PGGT1B: variants seen among roughly 807,000 people sequenced by gnomAD.
PGGT1B encodes the protein geranylgeranyl transferase type-1 subunit beta.
In PGGT1B, 30 loss-of-function variants were observed where a neutral mutation model predicts 46.1. The observed-to-expected ratio is 0.65, with a 90% CI of 0.49 to 0.88. The LOEUF (loss-of-function observed/expected upper bound fraction) is 0.88, where lower values mean the gene tolerates loss of function less well. PGGT1B is among the 40% of genes least tolerant of loss of function. The probability of loss-of-function intolerance (pLI) is 0.00; values close to 1 mark genes in which losing one functional copy is unlikely to be tolerated. For synonymous variants in PGGT1B, 170 were observed against 160.0 expected, an observed-to-expected ratio of 1.06 and a Z score of -0.47; for missense variants, 376 against 455.9, an observed-to-expected ratio of 0.82 and a Z score of 1.60.
intron 2 of PGGT1B, among the ~76,000 whole-genome samples, chr5:115,247,251 A>C (rs1350127421): frequency 2.0e-5 from 3 of 152,190 alleles, no homozygotes; most frequent in Non-Finnish European, 4.4e-5. Flanking sequence ...TGAGAGTTTA[A>C]AGAGGTTTAT....
At chr5:115,246,042 T>C (rs971267492) in intron 2 of PGGT1B, among the ~76,000 whole-genome samples, 16 of 152,092 alleles carry the variant, frequency 1.1e-4, no homozygotes, top group Non-Finnish European at 2.4e-4. Context: ...GGAGGTAACA[T>C]TTTCACCACT....
intron 2 of PGGT1B, among the ~76,000 whole-genome samples, chr5:115,243,354 C>T (rs752632872): frequency 7.2e-5 from 11 of 152,110 alleles, no homozygotes; most frequent in South Asian, 2.1e-4. Flanking sequence ...CTGAAAGAAA[C>T]GCTATATTCC....
chr5:115,258,272 T>C lies in PGGT1B; in HGVS notation c.140+4440A>G, dbSNP rs559997432. Among the ~76,000 whole-genome samples the C allele has an allele frequency of 1.4e-4, 22 of 152,294 alleles. No homozygotes were observed. The South Asian group carries it at 4.1e-3, about 29-fold the overall frequency. On this transcript the variant is annotated intron_variant, in intron 1 of 8. Coordinates refer to ENST00000419445, the MANE Select transcript of PGGT1B (RefSeq NM_005023.4). ...TTTATTATCCAGACCAGATAGCAGT[T>C]CCAATTCAAGAATCCTGGGACTCCT...
intron 6 of PGGT1B, among the ~76,000 whole-genome samples, chr5:115,222,320 T>G (rs1756613492): frequency 6.6e-6 from 1 of 152,198 alleles, no homozygotes; most frequent in South Asian, 2.1e-4. Context: ...GCTAACTCCC[T>G]GCCCAGGACC....
chr5:115,262,344 G>GATGC (rs1401564997), intron 1 of PGGT1B, among the ~76,000 whole-genome samples: 2 of 152,210 alleles, frequency 1.3e-5, no homozygotes, highest in African/African-American at 4.8e-5. Context: ...AGAGGACAAG[G>GATGC]ATGCACAGAA....
rs1050785117 is a variant in PGGT1B at position 115,210,851 on chromosome 5, T to C, written c.*1551A>G. 5.3e-5 allele frequency: 8 copies of C among 152,082 alleles called. No individual in the cohort carries two copies. The East Asian group carries it at 1.2e-3, about 22-fold the overall frequency. The allele number at this position is 152,082 out of a possible 1,614,324, so 9.4% of individuals were successfully genotyped here. A position where few individuals can be genotyped will look rare whatever the true frequency, so the allele number is the denominator to read the frequency against. On this transcript the variant is annotated 3_prime_UTR_variant, in exon 9 of 9. Transcript: ENST00000419445. Reference sequence around the variant, plus strand: ...AACATCTGTTATTAAGCTTACTTTTTCCCCCACCATCAGAAGATTTATTTT... The same window carrying C: ...AACATCTGTTATTAAGCTTACTTTTCCCCCCACCATCAGAAGATTTATTTT...
chr5:115,260,456 T>G (rs1424648896), intron 1 of PGGT1B, among the ~76,000 whole-genome samples: 1 of 152,022 alleles, frequency 6.6e-6, no homozygotes, highest in Non-Finnish European at 1.5e-5. Flanking sequence ...CAATGTACTG[T>G]TTTGTCTTAA....
chr5:115,244,541 A>G (rs1428485325), intron 2 of PGGT1B, among the ~76,000 whole-genome samples: 1 of 150,326 alleles, frequency 6.7e-6, no homozygotes, highest in Non-Finnish European at 1.5e-5. Flanking sequence ...ATAATGCTAT[A>G]CTTAAAAAAA....
At chr5:115,250,059 T>C (rs1001464750) in intron 2 of PGGT1B, among the ~76,000 whole-genome samples, 2 of 152,038 alleles carry the variant, frequency 1.3e-5, no homozygotes, top group Non-Finnish European at 2.9e-5. Flanking sequence ...GTTAATATTA[T>C]ACAAGCCATA....
intron 6 of PGGT1B, among the ~76,000 whole-genome samples, chr5:115,228,084 G>C (rs181098043): frequency 1.3e-5 from 2 of 152,164 alleles, no homozygotes; most frequent in Admixed American, 1.3e-4. Context: ...TTTCTGAATA[G>C]CATCAACAGG....
rs1238263083 is a variant in PGGT1B, at chr5:115,251,726, C to A, written c.259+1411G>T. Among the ~76,000 whole-genome samples, 6 of 151,854 alleles carry A rather than the reference C, an allele frequency of 4.0e-5. No homozygotes were observed. The East Asian group carries it at 9.7e-4, about 24-fold the overall frequency. The stretch of plus-strand genomic sequence containing the variant: ...AAAATAATATAAAAATATATTTCGG[C>A]AAGAACTTAGGGAATAGCTTTCGTA... On this transcript the variant is annotated intron_variant, in intron 2 of 8. Transcript: ENST00000419445.
rs773703320 is a variant in PGGT1B at position 115,237,983 on chromosome 5, A to G, written c.354T>C (p.Asp118=). The G allele has an allele frequency of 2.9e-5, 47 of 1,610,524 alleles. 1 individual carries two copies. The highest frequency in any genetic ancestry group is 3.9e-5 in the Non-Finnish European group (46 of 1,178,404). ...TGTAGGTCATTGCAATGTGGCCACTATCATAAGGATGAGCTGTTCCAGGAG... is the reference window on the plus strand; with the variant it reads ...TGTAGGTCATTGCAATGTGGCCACTGTCATAAGGATGAGCTGTTCCAGGAG... The part of the protein sequence containing the change: ...SKAPGTAHPY[D]SGHIAMTYTG... The change falls in exon 4 of 9, where the codon GAT becomes GAC. Residue 118 remains aspartate (D), a synonymous_variant. Transcript: ENST00000419445.
intron 6 of PGGT1B, among the ~76,000 whole-genome samples, chr5:115,224,985 G>C (rs1756722270): frequency 6.6e-6 from 1 of 151,976 alleles, no homozygotes; most frequent in Non-Finnish European, 1.5e-5. Context: ...TCTTTTTGGG[G>C]CTGAATGGGG....
intron 4 of PGGT1B, 72 bp downstream of exon 4, chr5:115,237,786 G>C (rs1419892316): frequency 7.8e-7 from 1 of 1,287,118 alleles, no homozygotes; most frequent in African/African-American, 1.5e-5. Context: ...ATCTAGTATA[G>C]TACTGTATCC....
chr5:115,257,990 T>G (rs1428088411), intron 1 of PGGT1B, among the ~76,000 whole-genome samples: 1 of 152,248 alleles, frequency 6.6e-6, no homozygotes, highest in Non-Finnish European at 1.5e-5. Flanking sequence ...GCATTATTCT[T>G]CATTTATAAT....
intron 2 of PGGT1B, among the ~76,000 whole-genome samples, chr5:115,242,663 A>C (rs1757381987): frequency 6.6e-6 from 1 of 152,220 alleles, no homozygotes; most frequent in Non-Finnish European, 1.5e-5. Context: ...CGAAAAATGT[A>C]TTTTAAAAAG....
At chr5:115,226,558 T>C (rs553278446) in intron 6 of PGGT1B, among the ~76,000 whole-genome samples, 18 of 148,520 alleles carry the variant, frequency 1.2e-4, no homozygotes, top group African/African-American at 4.3e-4. Context: ...ATATATAAAA[T>C]AATATTTAAA....
chr5:115,213,589 C>T (rs1248280993), intron 8 of PGGT1B, among the ~76,000 whole-genome samples: 3 of 152,008 alleles, frequency 2.0e-5, no homozygotes, highest in South Asian at 2.1e-4. Flanking sequence ...CTGGGCAATA[C>T]GGTGAAGCTC....
At chr5:115,238,804 TTAAG>T (rs1757265164) in intron 3 of PGGT1B, among the ~76,000 whole-genome samples, 1 of 152,156 alleles carries the variant, frequency 6.6e-6, no homozygotes, top group African/African-American at 2.4e-5. Context: ...ATTGTGACGA[TTAAG>T]TAAGTTACTG....
Sources: allele counts gnomAD v4.1 joint callset (sites outside exome capture counted in the v4.1 genomes callset), GRCh38; gene constraint gnomAD v4.1.1; transcripts MANE v1.5; gene names NCBI Gene and HGNC (gene_info 2026-07-23, HGNC 2026-07-21).